DDAH1: variants seen among roughly 807,000 people sequenced by gnomAD.
The protein encoded by DDAH1 is N(G),N(G)-dimethylarginine dimethylaminohydrolase 1.
A neutral mutation model predicts 28.8 loss-of-function variants in DDAH1; 19 were observed. That is an observed-to-expected ratio of 0.66 (90% CI 0.46 to 0.97). The LOEUF (loss-of-function observed/expected upper bound fraction) is 0.97, where lower values mean the gene tolerates loss of function less well. DDAH1 is among the 50% of genes least tolerant of loss of function. The pLI, the probability that DDAH1 is intolerant of heterozygous loss-of-function variation, is 0.00. For missense variants in DDAH1, 326 were observed against 375.9 expected, an observed-to-expected ratio of 0.87 and a Z score of 1.10; for synonymous variants, 153 against 154.4, an observed-to-expected ratio of 0.99 and a Z score of 0.07.
At chr1:85,421,395 T>C (rs1653135277) in intron 1 of DDAH1, among the ~76,000 whole-genome samples, 1 of 152,240 alleles carries the variant, frequency 6.6e-6, no homozygotes, top group Non-Finnish European at 1.5e-5. Flanking sequence ...GCTTCACACA[T>C]TGTAACACAG....
chr1:85,458,124 T>C (rs952366132), intron 1 of DDAH1, among the ~76,000 whole-genome samples: 1 of 152,248 alleles, frequency 6.6e-6, no homozygotes, highest in Non-Finnish European at 1.5e-5. Flanking sequence ...TTAAATGATA[T>C]AGTCCTTTTA....
intron 1 of DDAH1, among the ~76,000 whole-genome samples, chr1:85,560,855 T>C (rs1239642251): frequency 6.6e-6 from 1 of 152,142 alleles, no homozygotes; most frequent in Non-Finnish European, 1.5e-5. Flanking sequence ...TATTAATGTA[T>C]AAACATTAAG....
chr1:85,548,975 C>A (rs1042057530), intron 1 of DDAH1, among the ~76,000 whole-genome samples: 2 of 152,140 alleles, frequency 1.3e-5, no homozygotes, highest in African/African-American at 4.8e-5. Context: ...GCATCGAACT[C>A]CTGTTCTACA....
intron 1 of DDAH1, among the ~76,000 whole-genome samples, chr1:85,516,074 T>C (rs57437394): frequency 9.2e-5 from 14 of 151,804 alleles, no homozygotes; most frequent in Admixed American, 8.5e-4. Flanking sequence ...GCAACAGTCA[T>C]AGTGAATTAG....
At chr1:85,404,053 G>A (rs551399837) in intron 1 of DDAH1, among the ~76,000 whole-genome samples, 27 of 152,126 alleles carry the variant, frequency 1.8e-4, no homozygotes, top group African/African-American at 6.3e-4. Flanking sequence ...ACTTTTAGTA[G>A]GATAATGAAT....
chr1:85,556,692 C>T (rs753379197), intron 1 of DDAH1, among the ~76,000 whole-genome samples: 8 of 152,206 alleles, frequency 5.3e-5, no homozygotes, highest in Non-Finnish European at 1.2e-4. Flanking sequence ...TCAGAGTTTA[C>T]ATCTCCCTAA....
chr1:85,461,135 G>C (rs56154783), intron 1 of DDAH1, among the ~76,000 whole-genome samples: 14,064 of 149,796 alleles, frequency 0.094, 872 homozygotes, highest in East Asian at 0.23. Context: ...AAACAGAGAA[G>C]TTGCATTTTT....
At chr1:85,465,186 C>T (rs929469672), upstream of DDAH1, 6 of 1,135,700 alleles carry the variant, frequency 5.3e-6, no homozygotes, top group African/African-American at 9.8e-5. Context: ...AGCTCGCGCC[C>T]GGAGCCCTGC....
chr1:85,534,385 C>G (rs1323654854), intron 1 of DDAH1, among the ~76,000 whole-genome samples: 1 of 151,888 alleles, frequency 6.6e-6, no homozygotes, highest in Non-Finnish European at 1.5e-5. Context: ...TTAACACATC[C>G]CTTATTTCTG....
chr1:85,392,279 A>T (rs1255062105), intron 1 of DDAH1, among the ~76,000 whole-genome samples: 1 of 152,090 alleles, frequency 6.6e-6, no homozygotes, highest in African/African-American at 2.4e-5. Flanking sequence ...TTATCTTGGT[A>T]TGCATGTCTA....
intron 1 of DDAH1, among the ~76,000 whole-genome samples, chr1:85,526,910 G>A (rs1290566122): frequency 2.0e-5 from 3 of 150,154 alleles, no homozygotes; most frequent in East Asian, 1.9e-4. Flanking sequence ...AGGCAGAATC[G>A]GAAATGTTAA....
At chr1:85,341,053 C>A (rs1400003633) in intron 4 of DDAH1, among the ~76,000 whole-genome samples, 3 of 152,230 alleles carry the variant, frequency 2.0e-5, no homozygotes, top group Non-Finnish European at 4.4e-5. Flanking sequence ...AGAACTCCTA[C>A]CACCTTTCCT....
At chr1:85,373,073 A>G (rs2100890724) in intron 1 of DDAH1, among the ~76,000 whole-genome samples, 1 of 152,280 alleles carries the variant, frequency 6.6e-6, no homozygotes, top group East Asian at 1.9e-4. Context: ...AAATCTTGAA[A>G]TAAGTCCCTA....
intron 1 of DDAH1, among the ~76,000 whole-genome samples, chr1:85,426,968 T>G (rs1653432349): frequency 6.6e-6 from 1 of 151,008 alleles, no homozygotes; most frequent in South Asian, 2.1e-4. Flanking sequence ...TACATTTTCC[T>G]TGACTACCCA....
At chr1:85,550,177 G>A (rs986396230) in intron 1 of DDAH1, among the ~76,000 whole-genome samples, 1 of 152,082 alleles carries the variant, frequency 6.6e-6, no homozygotes, top group Admixed American at 6.5e-5. Context: ...TAACTCTTTA[G>A]TTTAAATTTT....
intron 1 of DDAH1, among the ~76,000 whole-genome samples, chr1:85,403,589 G>A (rs1261450426): frequency 6.6e-6 from 1 of 152,126 alleles, no homozygotes; most frequent in East Asian, 1.9e-4. Flanking sequence ...TTGCTCCTTA[G>A]TCAATATAAC....
chr1:85,329,954 G>A (rs2100798790), intron 4 of DDAH1, among the ~76,000 whole-genome samples: 1 of 152,314 alleles, frequency 6.6e-6, no homozygotes, highest in East Asian at 1.9e-4. Context: ...TGCTAAAGGT[G>A]CTTATTATAA....
At chr1:85,437,873 T>C (rs1208633050) in intron 1 of DDAH1, among the ~76,000 whole-genome samples, 2 of 152,124 alleles carry the variant, frequency 1.3e-5, no homozygotes, top group African/African-American at 2.4e-5. Context: ...TCACAACAAA[T>C]CTAACAGACG....
intron 1 of DDAH1, among the ~76,000 whole-genome samples, chr1:85,435,960 TTGTGTG>T: frequency 7.2e-6 from 1 of 138,666 alleles, no homozygotes; most frequent in African/African-American, 2.5e-5. Flanking sequence ...CCGGCTAATT[TTGTGTG>T]TGTGTGTGTG....
Sources: gnomAD v4.1 joint callset for allele counts (sites outside exome capture counted in the v4.1 genomes callset) on GRCh38, gnomAD v4.1.1 for gene constraint, MANE v1.5 for transcripts, NCBI Gene and HGNC (gene_info 2026-07-23, HGNC 2026-07-21) for gene names.